EPB41: variants seen among roughly 807,000 people sequenced by gnomAD.
EPB41 encodes the protein protein 4.1.
A neutral mutation model predicts 108.0 loss-of-function variants in EPB41; 65 were observed. That is an observed-to-expected ratio of 0.60 (90% CI 0.49 to 0.74). The LOEUF is 0.74. Ranked by LOEUF, EPB41 falls within the 30% of genes least tolerant of loss-of-function variation. EPB41 has a pLI of 0.00. For missense variants in EPB41, 875 were observed against 1,037.0 expected (o/e 0.84, Z 2.15); for synonymous variants, 336 against 358.9 (o/e 0.94, Z 0.72).
intron 1 of EPB41, among the ~76,000 whole-genome samples, chr1:28,940,885 A>C (rs2094255585): frequency 1.3e-5 from 2 of 152,316 alleles, no homozygotes; most frequent in Non-Finnish European, 1.5e-5. Context: ...GCTTGATAAG[A>C]AAACGAAAGC....
At chr1:28,899,807 G>A (rs2091087546) in intron 1 of EPB41, among the ~76,000 whole-genome samples, 1 of 152,168 alleles carries the variant, frequency 6.6e-6, no homozygotes, top group Non-Finnish European at 1.5e-5. Flanking sequence ...ATGGATTGAG[G>A]TCAGAGGTTT....
intron 16 of EPB41, among the ~76,000 whole-genome samples, chr1:29,078,043 A>G (rs751707654): frequency 5.9e-5 from 9 of 152,070 alleles, no homozygotes; most frequent in Non-Finnish European, 1.3e-4. Flanking sequence ...TTTAGCCAAC[A>G]TGGTGAAACC....
intron 1 of EPB41, among the ~76,000 whole-genome samples, chr1:28,954,672 A>G (rs1382878597): frequency 1.3e-5 from 2 of 152,182 alleles, no homozygotes; most frequent in Non-Finnish European, 2.9e-5. Flanking sequence ...GGGTTTAAAA[A>G]TCTTTCACTG....
chr1:29,049,444 G>A (rs1644100972), intron 11 of EPB41, among the ~76,000 whole-genome samples: 1 of 152,114 alleles, frequency 6.6e-6, no homozygotes, highest in Non-Finnish European at 1.5e-5. Context: ...ATCACCTTTG[G>A]AGCTTTAAAA....
chr1:28,920,907 A>C (rs909895618), intron 1 of EPB41, among the ~76,000 whole-genome samples: 38 of 152,252 alleles, frequency 2.5e-4, no homozygotes, highest in Admixed American at 1.7e-3. Flanking sequence ...CTGGGATTAC[A>C]GGTGTGAGCC....
At chr1:28,968,260 C>T (rs557600000) in intron 1 of EPB41, among the ~76,000 whole-genome samples, 4 of 151,998 alleles carry the variant, frequency 2.6e-5, no homozygotes, top group Admixed American at 2.0e-4. Flanking sequence ...GAGGCTGAGG[C>T]AGGAGAATCT....
At chr1:28,890,865 C>G (rs376208291) in intron 1 of EPB41, 1 of 959,832 alleles carries the variant, frequency 1.0e-6, no homozygotes, top group Non-Finnish European at 1.2e-6. Context: ...AGCCTCCACC[C>G]CACGGGTACT....
At chr1:28,986,236 G>T (rs2095867386) in intron 1 of EPB41, among the ~76,000 whole-genome samples, 1 of 152,132 alleles carries the variant, frequency 6.6e-6, no homozygotes, top group Non-Finnish European at 1.5e-5. Context: ...TGTAAATGCT[G>T]CTTTGTGAGT....
At chr1:28,905,818 C>CTTTTTT (rs573552880) in intron 1 of EPB41, among the ~76,000 whole-genome samples, 1 of 133,862 alleles carries the variant, frequency 7.5e-6, no homozygotes, top group Non-Finnish European at 1.6e-5. Context: ...TTCTTTCTTT[C>CTTTTTT]TTTTTTTTTT....
intron 2 of EPB41, among the ~76,000 whole-genome samples, chr1:28,992,426 C>T (rs1207310389): frequency 6.6e-6 from 1 of 152,132 alleles, no homozygotes; most frequent in African/African-American, 2.4e-5. Context: ...CGGTTGCTCA[C>T]GCCTGTAATC....
chr1:29,082,849 A>C (rs932677858), intron 16 of EPB41, among the ~76,000 whole-genome samples: 2 of 152,160 alleles, frequency 1.3e-5, no homozygotes, highest in Admixed American at 1.3e-4. Context: ...TTTTACGTTC[A>C]CCTATTCTGG....
intron 16 of EPB41, among the ~76,000 whole-genome samples, chr1:29,092,285 T>C (rs908428226): frequency 2.0e-5 from 3 of 152,012 alleles, no homozygotes; most frequent in African/African-American, 7.2e-5. Context: ...TTAGTAGAGA[T>C]GGGGTTTCTC....
chr1:29,008,203 T>C (rs2096440695), intron 4 of EPB41, among the ~76,000 whole-genome samples: 3 of 152,194 alleles, frequency 2.0e-5, no homozygotes, highest in Admixed American at 2.0e-4. Flanking sequence ...CACTATACCT[T>C]ACCAACCCTC....
intron 11 of EPB41, among the ~76,000 whole-genome samples, chr1:29,044,116 T>G (rs1375152255): frequency 6.6e-6 from 1 of 152,214 alleles, no homozygotes; most frequent in African/African-American, 2.4e-5. Flanking sequence ...ATCAGGCATC[T>G]CCCTCCTTGT....
chr1:29,106,286 C>T (rs1667116594), intron 17 of EPB41, among the ~76,000 whole-genome samples: 1 of 152,090 alleles, frequency 6.6e-6, no homozygotes, highest in Non-Finnish European at 1.5e-5. Flanking sequence ...AAGATAGAGT[C>T]ACAGGTTTAT....
At chr1:29,050,170 CT>C (rs1644246735) in intron 11 of EPB41, among the ~76,000 whole-genome samples, 2 of 152,228 alleles carry the variant, frequency 1.3e-5, no homozygotes, top group South Asian at 4.1e-4. Context: ...CGTGATTTGG[CT>C]TTTGCCTCTG....
intron 17 of EPB41, among the ~76,000 whole-genome samples, chr1:29,106,591 T>TTTTTTTTTTTTG: frequency 7.1e-6 from 1 of 140,640 alleles, no homozygotes; most frequent in Non-Finnish European, 1.5e-5. Context: ...TTTTTTTTTT[T>TTTTTTTTTTTTG]GAGATGGAGT....
chr1:29,023,353 A>T (rs1395286110), intron 7 of EPB41, among the ~76,000 whole-genome samples: 1 of 151,958 alleles, frequency 6.6e-6, no homozygotes, highest in African/African-American at 2.4e-5. Flanking sequence ...TAGTTAAAAC[A>T]ATTTTAATAT....
At chr1:29,007,228 T>C (rs1005283062) in intron 4 of EPB41, among the ~76,000 whole-genome samples, 8 of 152,088 alleles carry the variant, frequency 5.3e-5, no homozygotes, top group Non-Finnish European at 1.0e-4. Context: ...GCCTCGTTAC[T>C]GTATAATATA....
Sources: allele counts gnomAD v4.1 joint callset (sites outside exome capture counted in the v4.1 genomes callset), GRCh38; gene constraint gnomAD v4.1.1; transcripts MANE v1.5; gene names NCBI Gene and HGNC (gene_info 2026-07-23, HGNC 2026-07-21).